PRKCH: variants seen among roughly 807,000 people sequenced by gnomAD.
PRKCH encodes protein kinase C eta type.
A neutral mutation model predicts 82.5 loss-of-function variants in PRKCH; 28 were observed. That is an observed-to-expected ratio of 0.34 (90% CI 0.25 to 0.47). PRKCH has a LOEUF of 0.47. PRKCH is among the 20% of genes least tolerant of loss of function. The pLI is 1.00. For missense variants in PRKCH, 705 were observed against 881.8 expected, an observed-to-expected ratio of 0.80 and a Z score of 2.54; for synonymous variants, 322 against 327.4, an observed-to-expected ratio of 0.98 and a Z score of 0.18.
In PRKCH at chr14:61,450,847, A is replaced by G. The variant is rs1218709657; in HGVS notation, c.708A>G (p.Ala236=). 6.2e-7 allele frequency: 1 copy of G among 1,613,598 alleles called. No homozygotes were observed. Among genetic ancestry groups the G allele is most frequent in the East Asian group, 2.2e-5 (1 of 44,874 alleles). ...CTTTATTTCCTTTTTTACAGATTGC[A>G]GAACAGAGGTTCGGGATCAACATCC... ...NNINKVDSKI[A]EQRFGINIPH... The change falls in exon 6 of 14, where the codon GCA becomes GCG. Residue 236 remains alanine, a synonymous_variant. Transcript: ENST00000332981.
At chr14:61,387,299 T>C (rs56928741) in intron 1 of PRKCH, among the ~76,000 whole-genome samples, 3,973 of 152,308 alleles carry the variant, frequency 0.026, 165 homozygotes, top group African/African-American at 0.089. Flanking sequence ...CAGTCAGTGC[T>C]CTGATCTGCT....
chr14:61,260,514 C>A (rs897035045), intron 1 of PRKCH, among the ~76,000 whole-genome samples: 1 of 152,000 alleles, frequency 6.6e-6, no homozygotes, highest in Non-Finnish European at 1.5e-5. Context: ...TGTGAAATAC[C>A]CTAGTTTCAT....
At chr14:61,225,090 C>T (rs2140055130) in intron 1 of PRKCH, among the ~76,000 whole-genome samples, 1 of 152,304 alleles carries the variant, frequency 6.6e-6, no homozygotes, top group East Asian at 1.9e-4. Context: ...GAGCACCATA[C>T]CCTCTAGTCT....
intron 10 of PRKCH, among the ~76,000 whole-genome samples, chr14:61,517,918 C>T (rs2042850613): frequency 6.6e-6 from 1 of 152,202 alleles, no homozygotes; most frequent in African/African-American, 2.4e-5. Context: ...TGCCATGGCT[C>T]TTTGATCCTG....
intron 1 of PRKCH, among the ~76,000 whole-genome samples, chr14:61,315,444 T>C (rs562971409): frequency 1.3e-5 from 2 of 152,330 alleles, no homozygotes; most frequent in South Asian, 4.1e-4. Context: ...TTCATTTGGT[T>C]GTCATGAGGA....
intron 10 of PRKCH, among the ~76,000 whole-genome samples, chr14:61,499,884 G>C (rs963967416): frequency 1.7e-4 from 9 of 53,264 alleles, no homozygotes; most frequent in African/African-American, 5.1e-4. Flanking sequence ...ATAAGGGGTA[G>C]ACTTAAAAAA....
intron 2 of PRKCH, among the ~76,000 whole-genome samples, chr14:61,413,416 C>CCCCCCCCCCCCCCCCT (rs1882384536): frequency 9.4e-6 from 1 of 106,678 alleles, no homozygotes; most frequent in Non-Finnish European, 2.1e-5. Flanking sequence ...CCCCCCCCGC[C>CCCCCCCCCCCCCCCCT]CCGCCCATGT....
intron 2 of PRKCH, among the ~76,000 whole-genome samples, chr14:61,417,423 G>T (rs554392067): frequency 6.6e-6 from 1 of 152,302 alleles, no homozygotes; most frequent in South Asian, 2.1e-4. Context: ...CTCTTCAAAT[G>T]GTCTGGCTTA....
intron 2 of PRKCH, among the ~76,000 whole-genome samples, chr14:61,421,542 C>T (rs1447711151): frequency 6.6e-6 from 1 of 152,154 alleles, no homozygotes; most frequent in Non-Finnish European, 1.5e-5. Context: ...CTATACTCCT[C>T]CTTCCCTTCC....
chr14:61,321,237 G>A (rs1471275830), upstream of PRKCH, among the ~76,000 whole-genome samples: 1 of 152,354 alleles, frequency 6.6e-6, no homozygotes, highest in East Asian at 1.9e-4. This position sits in a 1 kb window ranked among gnomAD's most constrained non-coding sequence, Gnocchi z 4.1. Flanking sequence ...GGGAGGTTGG[G>A]AGAGAGGGGG....
At chr14:61,519,691 T>C (rs1221300481) in intron 10 of PRKCH, among the ~76,000 whole-genome samples, 2 of 152,188 alleles carry the variant, frequency 1.3e-5, no homozygotes, top group Non-Finnish European at 2.9e-5. Context: ...ATTAAGTGTC[T>C]GTGAGGAGAA....
intron 1 of PRKCH, among the ~76,000 whole-genome samples, chr14:61,208,342 G>C (rs2140043486): frequency 6.6e-6 from 1 of 151,878 alleles, no homozygotes; most frequent in Middle Eastern, 3.4e-3. Context: ...GTACTATAAG[G>C]GACAAAAAAA....
At chr14:61,485,412 T>A in intron 9 of PRKCH, 90 bp from the exon 10 acceptor site, 1 of 1,464,700 alleles carries the variant, frequency 6.8e-7, no homozygotes. Context: ...CAGTGTCCTC[T>A]CTATGCCACA....
At chr14:61,387,259 G>A (rs1329731468) in intron 1 of PRKCH, among the ~76,000 whole-genome samples, 2 of 152,246 alleles carry the variant, frequency 1.3e-5, no homozygotes, top group African/African-American at 2.4e-5. Flanking sequence ...GAGAAGGAAT[G>A]TGCCTGCCCC....
intron 1 of PRKCH, among the ~76,000 whole-genome samples, chr14:61,265,202 C>A (rs188980974): frequency 1.3e-5 from 2 of 152,122 alleles, no homozygotes; most frequent in Non-Finnish European, 2.9e-5. Flanking sequence ...CCATCCCAGG[C>A]GGGTGCGGTG....
intron 12 of PRKCH, 129 bp from the exon 13 acceptor site, chr14:61,547,614 C>T (rs958902809): frequency 1.7e-5 from 20 of 1,195,370 alleles, no homozygotes; most frequent in African/African-American, 1.1e-4. Context: ...TGATGGAAAA[C>T]CCAGCTAGTT....
At chr14:61,502,082 TC>T (rs72309622) in intron 10 of PRKCH, among the ~76,000 whole-genome samples, 284 of 19,786 alleles carry the variant, frequency 0.014, 11 homozygotes, top group African/African-American at 0.047. Flanking sequence ...TTTTTTTTTT[TC>T]CGAGATGGAG....
At chr14:61,294,161 C>T (rs1038032837) in intron 1 of PRKCH, among the ~76,000 whole-genome samples, 10 of 151,916 alleles carry the variant, frequency 6.6e-5, no homozygotes, top group African/African-American at 2.4e-4. Flanking sequence ...CGCTCTGTCG[C>T]CCAGGCTGGA....
At chr14:61,490,466 A>C (rs533499641) in intron 10 of PRKCH, among the ~76,000 whole-genome samples, 14 of 152,304 alleles carry the variant, frequency 9.2e-5, no homozygotes, top group Admixed American at 7.8e-4. Flanking sequence ...CACCAACATC[A>C]TCTAGCTCTT....
Sources: gnomAD v4.1 joint callset for allele counts (sites outside exome capture counted in the v4.1 genomes callset) on GRCh38, gnomAD v4.1.1 for gene constraint, Gnocchi (gnomAD v3.1) non-coding constraint, MANE v1.5 for transcripts, NCBI Gene and HGNC (gene_info 2026-07-23, HGNC 2026-07-21) for gene names.